The following ACVR1 variants were observed in gnomAD, a reference collection of about 807,000 sequenced individuals.
ACVR1 encodes activin receptor type-1.
A neutral mutation model predicts 57.1 loss-of-function variants in ACVR1; 38 were observed. That is an observed-to-expected ratio of 0.67 (90% confidence interval 0.51 to 0.87). The LOEUF (loss-of-function observed/expected upper bound fraction) is 0.87, where lower values mean the gene tolerates loss of function less well. Ranked by LOEUF, ACVR1 falls within the 40% of genes least tolerant of loss-of-function variation. ACVR1 has a pLI of 0.00. For missense variants in ACVR1, 463 were observed against 638.2 expected, an observed-to-expected ratio of 0.73 and a Z score of 2.96; for synonymous variants, 212 against 228.1, an observed-to-expected ratio of 0.93 and a Z score of 0.63.
chr2:157,779,229 T>C (rs1338603692), intron 4 of ACVR1, among the ~76,000 whole-genome samples: 1 of 152,262 alleles, frequency 6.6e-6, no homozygotes, highest in Non-Finnish European at 1.5e-5. Flanking sequence ...AACTTCACAG[T>C]TGGTATAATA....
intron 1 of ACVR1, among the ~76,000 whole-genome samples, chr2:157,864,589 A>T (rs142808823): frequency 2.6e-3 from 397 of 152,308 alleles, no homozygotes; most frequent in African/African-American, 8.7e-3. Flanking sequence ...ATCTAGTTTG[A>T]CAATCAGCAG....
intron 1 of ACVR1, among the ~76,000 whole-genome samples, chr2:157,843,804 T>C (rs549992427): frequency 1.2e-4 from 18 of 152,128 alleles, no homozygotes; most frequent in Non-Finnish European, 2.1e-4. Flanking sequence ...AAACTCTAAA[T>C]GAAGATAACC....
chr2:157,843,242 T>C (rs1689031200), intron 1 of ACVR1, among the ~76,000 whole-genome samples: 1 of 152,238 alleles, frequency 6.6e-6, no homozygotes, highest in African/African-American at 2.4e-5. Flanking sequence ...ACTGACATAT[T>C]CAATACTGCA....
intron 2 of ACVR1, among the ~76,000 whole-genome samples, chr2:157,811,964 G>A (rs1194346671): frequency 6.6e-6 from 1 of 152,220 alleles, no homozygotes; most frequent in African/African-American, 2.4e-5. Flanking sequence ...TCACCCCGTT[G>A]TGTTTGAGGA....
chr2:157,778,450 C>A, intron 4 of ACVR1, 108 bp from the exon 5 acceptor site: 1 of 908,628 alleles, frequency 1.1e-6, no homozygotes, highest in Non-Finnish European at 1.8e-6. Context: ...CACACAGTCT[C>A]ACAACTCACG....
At chr2:157,803,856 C>T (rs1426780930) in intron 2 of ACVR1, among the ~76,000 whole-genome samples, 1 of 151,748 alleles carries the variant, frequency 6.6e-6, no homozygotes, top group Admixed American at 6.6e-5. Flanking sequence ...AAAATTTAAA[C>T]AGAATTTTTA....
intron 9 of ACVR1, among the ~76,000 whole-genome samples, chr2:157,754,607 G>T (rs1397827427): frequency 6.6e-6 from 1 of 151,884 alleles, no homozygotes; most frequent in Non-Finnish European, 1.5e-5. Context: ...AGCCTGAAAT[G>T]GTAATTTAAA....
At chr2:157,825,887 C>G (rs1000338578) in intron 1 of ACVR1, among the ~76,000 whole-genome samples, 3 of 152,196 alleles carry the variant, frequency 2.0e-5, no homozygotes, top group African/African-American at 7.2e-5. Flanking sequence ...CCCCAACACA[C>G]GACTCCCTAA....
In ACVR1 at chr2:157,770,444, G is replaced by A. The variant is rs1686028672; in HGVS notation, c.714C>T (p.Ser238=). 1.2e-6 allele frequency: 2 copies of A among 1,613,510 alleles called. No individual in the cohort carries two copies. Among genetic ancestry groups the A allele is most frequent in the African/African-American group, 1.3e-5 (1 of 74,904 alleles). The change falls in exon 7 of 11, where the codon TCC becomes TCT. Residue 238 remains serine, a synonymous_variant. Transcript: ENST00000434821. ...QGENVAVKIF[S]SRDEKSWFRE... ...TGAACCATGACTTCTCATCACGGGA[G>A]GAGAAGATCTTCACGGCAACATTCT...
intron 9 of ACVR1, among the ~76,000 whole-genome samples, chr2:157,746,280 C>A (rs1263586638): frequency 1.3e-5 from 2 of 152,218 alleles, no homozygotes; most frequent in African/African-American, 2.4e-5. Flanking sequence ...AGATGCTTTA[C>A]ATATACGATC....
intron 1 of ACVR1, among the ~76,000 whole-genome samples, chr2:157,845,392 CAG>C (rs1689099057): frequency 6.6e-6 from 1 of 152,074 alleles, no homozygotes; most frequent in South Asian, 2.1e-4. Context: ...TGGAGAGGCA[CAG>C]AGAGAAGGTC....
intron 9 of ACVR1, among the ~76,000 whole-genome samples, chr2:157,742,185 A>C (rs1054690145): frequency 3.9e-5 from 6 of 152,198 alleles, no homozygotes; most frequent in African/African-American, 7.2e-5. Context: ...AGAAAGCGAT[A>C]ATCAGCGTAG....
intron 1 of ACVR1, among the ~76,000 whole-genome samples, chr2:157,855,560 T>A (rs1305670890): frequency 6.6e-6 from 1 of 152,022 alleles, no homozygotes; most frequent in Non-Finnish European, 1.5e-5. Flanking sequence ...ATGGCATTTT[T>A]AGGTTTTAAA....
At chr2:157,759,205 T>C (rs759373669) in intron 9 of ACVR1, among the ~76,000 whole-genome samples, 19 of 151,880 alleles carry the variant, frequency 1.3e-4, no homozygotes, top group Non-Finnish European at 2.5e-4. Flanking sequence ...AAAAAGTTAG[T>C]TTGTTGGAAA....
intron 1 of ACVR1, among the ~76,000 whole-genome samples, chr2:157,845,776 T>C (rs1307414072): frequency 6.6e-6 from 1 of 152,138 alleles, no homozygotes; most frequent in Non-Finnish European, 1.5e-5. Flanking sequence ...GGAGAAAAAC[T>C]TGAAATGTGA....
At chr2:157,775,851 T>C (rs572811972) in intron 5 of ACVR1, among the ~76,000 whole-genome samples, 5 of 152,342 alleles carry the variant, frequency 3.3e-5, no homozygotes, top group South Asian at 4.1e-4. Flanking sequence ...CTAACAAACG[T>C]ATATCCCAAC....
At chr2:157,857,367 C>T (rs1352806643) in intron 1 of ACVR1, among the ~76,000 whole-genome samples, 5 of 151,668 alleles carry the variant, frequency 3.3e-5, no homozygotes, top group South Asian at 4.2e-4. Context: ...AACACATGGT[C>T]CCCGTCCTCA....
chr2:157,854,493 C>A (rs1470413981), intron 1 of ACVR1, among the ~76,000 whole-genome samples: 1 of 151,864 alleles, frequency 6.6e-6, no homozygotes, highest in Non-Finnish European at 1.5e-5. Context: ...GAGGCCGAGG[C>A]GGGAGGATCA....
chr2:157,825,113 T>A (rs1455464616), intron 1 of ACVR1, among the ~76,000 whole-genome samples: 2 of 152,162 alleles, frequency 1.3e-5, no homozygotes, highest in Non-Finnish European at 2.9e-5. Context: ...TCTTTCCCTA[T>A]GCAAGGCCCA....
Sources: allele counts gnomAD v4.1 joint callset (sites outside exome capture counted in the v4.1 genomes callset), GRCh38; gene constraint gnomAD v4.1.1; transcripts MANE v1.5; gene names NCBI Gene and HGNC (gene_info 2026-07-23, HGNC 2026-07-21).